Variants in LARGE1 observed in about 807,000 individuals in gnomAD.
The protein encoded by LARGE1 is xylosyl- and glucuronyltransferase LARGE1.
Under a neutral mutation model 87.6 loss-of-function variants are expected in LARGE1, and 43 were observed. The ratio of observed to expected loss-of-function variants is 0.49; its 90% CI spans 0.38 to 0.63. The LOEUF is 0.63. LARGE1 is among the 30% of genes least tolerant of loss of function. The probability of loss-of-function intolerance (pLI) is 0.00; values close to 1 mark genes in which losing one functional copy is unlikely to be tolerated. For synonymous variants in LARGE1, 434 were observed against 394.6 expected, an observed-to-expected ratio of 1.10 and a Z score of -1.18; for missense variants, 802 against 1,000.2, an observed-to-expected ratio of 0.80 and a Z score of 2.67.
At chr22:33,850,134 T>A (rs986312331) in intron 1 of LARGE1, among the ~76,000 whole-genome samples, 10 of 152,114 alleles carry the variant, frequency 6.6e-5, no homozygotes, top group African/African-American at 2.2e-4. Flanking sequence ...CCACTCATAT[T>A]TAAACCCATC....
the LARGE1 span, among the ~76,000 whole-genome samples, chr22:33,081,731 A>G: frequency 6.6e-6 from 1 of 152,182 alleles, no homozygotes; most frequent in Admixed American, 6.6e-5. Context: ...GTCTATCCAG[A>G]ACCTAGACTG....
chr22:33,912,835 A>T (rs2065676091), intron 1 of LARGE1, among the ~76,000 whole-genome samples: 1 of 124,294 alleles, frequency 8.0e-6, no homozygotes. Context: ...GCAGACAAGC[A>T]TGTTTTTTTT....
chr22:33,870,811 G>A (rs894422887), intron 1 of LARGE1, among the ~76,000 whole-genome samples: 9 of 152,056 alleles, frequency 5.9e-5, no homozygotes, highest in African/African-American at 9.7e-5. Context: ...CAGGTGATCC[G>A]TTCACCTTGG....
chr22:33,715,615 T>C (rs535436158), intron 2 of LARGE1, among the ~76,000 whole-genome samples: 6 of 152,302 alleles, frequency 3.9e-5, no homozygotes, highest in African/African-American at 1.4e-4. Flanking sequence ...GGGTTAAATG[T>C]AGGATCGCCA....
chr22:33,485,380 A>C (rs1432809506), intron 6 of LARGE1, among the ~76,000 whole-genome samples: 1 of 151,802 alleles, frequency 6.6e-6, no homozygotes, highest in Non-Finnish European at 1.5e-5. Flanking sequence ...CACCCAGCTA[A>C]TTTTTGTATT....
intron 5 of LARGE1, among the ~76,000 whole-genome samples, chr22:33,579,148 T>C (rs2078438422): frequency 6.6e-6 from 1 of 152,168 alleles, no homozygotes; most frequent in East Asian, 1.9e-4. Context: ...TCCCAGGTGT[T>C]GTGGGAGGGA....
chr22:33,817,462 G>A (rs555981521), intron 1 of LARGE1, among the ~76,000 whole-genome samples: 1 of 152,202 alleles, frequency 6.6e-6, no homozygotes, highest in Non-Finnish European at 1.5e-5. Flanking sequence ...CTCTTTCGCA[G>A]GGGACCCGTG....
chr22:33,469,451 A>G lies in LARGE1; in HGVS notation c.788-37186T>C, dbSNP rs2068742777. 2.0e-5 allele frequency among the ~76,000 whole-genome samples: 3 copies of G among 152,196 alleles called. 1 individual carries two copies. Among genetic ancestry groups the G allele is most frequent in the Non-Finnish European group, 2.9e-5 (2 of 68,032 alleles). ...CAGGAACACAAAATGTTTACCTCCA[A>G]TAAGTGAAAACCAAACACTGAGTTT... is the stretch of plus-strand genomic sequence containing the variant. On this transcript the variant is annotated intron_variant, in intron 6 of 14. Coordinates refer to ENST00000397394, the MANE Select transcript of LARGE1 (RefSeq NM_133642.5).
At chr22:33,369,584 A>C (rs1361917737) in intron 9 of LARGE1, among the ~76,000 whole-genome samples, 1 of 151,710 alleles carries the variant, frequency 6.6e-6, no homozygotes, top group Admixed American at 6.6e-5. Context: ...TTTATTTTTG[A>C]GACAGAGTCT....
chr22:33,161,807 T>C, downstream of LARGE1, among the ~76,000 whole-genome samples: 1 of 152,120 alleles, frequency 6.6e-6, no homozygotes, highest in East Asian at 1.9e-4. Flanking sequence ...TGACTTGGTC[T>C]AAATTGTTGG....
At chr22:33,848,536 G>C (rs554571036) in intron 1 of LARGE1, among the ~76,000 whole-genome samples, 1 of 152,070 alleles carries the variant, frequency 6.6e-6, no homozygotes, top group East Asian at 1.9e-4. Context: ...GCCCACCCCA[G>C]CCTGACTCAA....
At chr22:33,349,016 T>C (rs547148890) in intron 9 of LARGE1, among the ~76,000 whole-genome samples, 1 of 152,280 alleles carries the variant, frequency 6.6e-6, no homozygotes, top group South Asian at 2.1e-4. Flanking sequence ...TGCTCCTCCT[T>C]CGTCTTCTGC....
In LARGE1 at chr22:33,679,836, C is replaced by T. The variant is rs2081700090; in HGVS notation, c.107-29168G>A. 2.0e-5 allele frequency among the ~76,000 whole-genome samples: 3 copies of T among 151,690 alleles called. No homozygotes were observed. In the South Asian group the frequency reaches 6.2e-4, roughly 32 times the overall value. ...CAGCCTGGGCAACAAGAGCGAAACT[C>T]TGTCTCAAAAAACAAACAAACAAAC... On this transcript the variant is annotated intron_variant, in intron 2 of 14. Coordinates refer to ENST00000397394, the MANE Select transcript of LARGE1 (RefSeq NM_133642.5).
chr22:33,499,307 C>T (rs1184134054), intron 6 of LARGE1, among the ~76,000 whole-genome samples: 2 of 152,324 alleles, frequency 1.3e-5, no homozygotes, highest in African/African-American at 4.8e-5. Context: ...GGCAGCCGTT[C>T]GGTTTAGATG....
chr22:33,276,031 T>G (rs1053379941), intron 14 of LARGE1, among the ~76,000 whole-genome samples: 6 of 152,158 alleles, frequency 3.9e-5, no homozygotes, highest in African/African-American at 1.4e-4. Flanking sequence ...CGCCTCTCAA[T>G]CACCTGGGGC....
chr22:33,701,055 G>A (rs952623782), intron 2 of LARGE1, among the ~76,000 whole-genome samples: 12 of 152,268 alleles, frequency 7.9e-5, no homozygotes, highest in African/African-American at 2.9e-4. Context: ...ATAATCTTGG[G>A]ATGGGCCTGC....
chr22:33,664,577 G>A (rs1322342284), intron 2 of LARGE1, among the ~76,000 whole-genome samples: 1 of 152,092 alleles, frequency 6.6e-6, no homozygotes, highest in Non-Finnish European at 1.5e-5. Flanking sequence ...TTTAAAAATG[G>A]CTATCAGGGC....
At chr22:33,522,700 A>G (rs1055149215) in intron 6 of LARGE1, among the ~76,000 whole-genome samples, 5 of 152,026 alleles carry the variant, frequency 3.3e-5, no homozygotes, top group Non-Finnish European at 5.9e-5. Context: ...GCGTGGTGGC[A>G]TGCACCTGCA....
At chr22:33,285,863 G>T (rs1273219308) in intron 12 of LARGE1, among the ~76,000 whole-genome samples, 2 of 152,108 alleles carry the variant, frequency 1.3e-5, no homozygotes, top group Admixed American at 1.3e-4. Context: ...TAATGAGGGG[G>T]AACCTGGATC....
Sources: allele counts gnomAD v4.1 joint callset (sites outside exome capture counted in the v4.1 genomes callset), GRCh38; gene constraint gnomAD v4.1.1; transcripts MANE v1.5; gene names NCBI Gene and HGNC (gene_info 2026-07-23, HGNC 2026-07-21).